Variants in PDE4D observed in about 807,000 individuals in gnomAD.
The protein encoded by PDE4D is 3',5'-cyclic-AMP phosphodiesterase 4D.
Under a neutral mutation model 87.4 loss-of-function variants are expected in PDE4D, and 24 were observed. The ratio of observed to expected loss-of-function variants is 0.27; its 90% CI spans 0.20 to 0.39. The LOEUF (loss-of-function observed/expected upper bound fraction) is 0.39. Among genes scored for constraint, PDE4D ranks in the 10% least tolerant of loss-of-function variants. PDE4D has a pLI of 1.00. For synonymous variants in PDE4D, 384 were observed against 383.2 expected, an observed-to-expected ratio of 1.00 and a Z score of -0.02; for missense variants, 714 against 1,041.0, an observed-to-expected ratio of 0.69 and a Z score of 4.32.
At chr5:60,106,519 A>C (rs973535789) in intron 2 of PDE4D, among the ~76,000 whole-genome samples, 33 of 152,230 alleles carry the variant, frequency 2.2e-4, no homozygotes, top group South Asian at 8.3e-4. Context: ...TAATAGACAT[A>C]TACAGAACTC....
chr5:60,187,511 T>G (rs1013177926), intron 1 of PDE4D, among the ~76,000 whole-genome samples: 1 of 152,168 alleles, frequency 6.6e-6, no homozygotes, highest in African/African-American at 2.4e-5. Flanking sequence ...GGGACAACCA[T>G]GGAATAGTTG....
intron 1 of PDE4D, among the ~76,000 whole-genome samples, chr5:59,296,473 A>T (rs1392842256): frequency 6.6e-6 from 1 of 152,114 alleles, no homozygotes; most frequent in African/African-American, 2.4e-5. Flanking sequence ...AGTCTGAGTG[A>T]CTAGTAGAAT....
At chr5:60,320,684 A>G (rs535702067) in intron 1 of PDE4D, among the ~76,000 whole-genome samples, 1 of 152,318 alleles carries the variant, frequency 6.6e-6, no homozygotes, top group East Asian at 1.9e-4. Context: ...AACCTCCTAG[A>G]TCTGATAAAC....
At chr5:59,858,323 T>C (rs1745761261) in intron 1 of PDE4D, among the ~76,000 whole-genome samples, 1 of 151,976 alleles carries the variant, frequency 6.6e-6, no homozygotes, top group African/African-American at 2.4e-5. Flanking sequence ...AATTTCCCTG[T>C]ATCCTACCTC....
intron 5 of PDE4D, among the ~76,000 whole-genome samples, chr5:59,047,612 G>T (rs1180599228): frequency 1.3e-5 from 2 of 152,228 alleles, no homozygotes; most frequent in East Asian, 3.8e-4. Context: ...AGCAGTCCCT[G>T]AAGGGGAAGG....
chr5:59,971,010 T>C (rs1375073706), intron 3 of PDE4D, among the ~76,000 whole-genome samples: 2 of 151,840 alleles, frequency 1.3e-5, no homozygotes, highest in East Asian at 3.9e-4. Context: ...ATATACACCA[T>C]GGAATACTAT....
intron 1 of PDE4D, among the ~76,000 whole-genome samples, chr5:60,354,749 T>C (rs1759475196): frequency 6.6e-6 from 1 of 152,168 alleles, no homozygotes. Flanking sequence ...TTCAATGTAA[T>C]TGGTCTCTGG....
chr5:59,728,590 C>G (rs1278591760), intron 1 of PDE4D, among the ~76,000 whole-genome samples: 2 of 152,018 alleles, frequency 1.3e-5, no homozygotes, highest in East Asian at 3.9e-4. Context: ...TAGCTGTACT[C>G]CCTTAATAGC....
rs1164165143 is a variant in PDE4D at position 59,458,594 on chromosome 5, TA to T, written c.456-242627del. The stretch of plus-strand genomic sequence containing the variant: ...ATCGTTGTTGAACTGCTTTGCATGT[TA>T]AAAAATAACACATTTTGGGAATTAA... On this transcript the variant is annotated intron_variant, in intron 1 of 14. Coordinates refer to ENST00000340635, the MANE Select transcript of PDE4D (RefSeq NM_001104631.2). Among the ~76,000 whole-genome samples, 4 of 152,190 alleles carry T rather than the reference TA, an allele frequency of 2.6e-5. No individual in the cohort carries two copies. In the East Asian group the frequency reaches 7.7e-4, roughly 29 times the overall value.
intron 2 of PDE4D, among the ~76,000 whole-genome samples, chr5:60,121,183 A>G (rs1275646851): frequency 6.6e-6 from 1 of 151,508 alleles, no homozygotes. Flanking sequence ...ATATATATAT[A>G]GGATATATAG....
chr5:59,880,151 G>T (rs1749229309), intron 1 of PDE4D, among the ~76,000 whole-genome samples: 1 of 151,960 alleles, frequency 6.6e-6, no homozygotes, highest in South Asian at 2.1e-4. Flanking sequence ...GCCCAGGCTG[G>T]ATTGCGCAGC....
intron 5 of PDE4D, among the ~76,000 whole-genome samples, chr5:59,135,095 G>C (rs1438654650): frequency 1.3e-5 from 2 of 152,098 alleles, no homozygotes; most frequent in Non-Finnish European, 2.9e-5. Flanking sequence ...CCCAGGAAAC[G>C]GACACATTGA....
chr5:60,181,035 ATACTC>A (rs1172580489), intron 2 of PDE4D, among the ~76,000 whole-genome samples: 1 of 151,268 alleles, frequency 6.6e-6, no homozygotes, highest in Non-Finnish European at 1.5e-5. Context: ...CAAATAAAAA[ATACTC>A]TATCTTACAG....
At chr5:59,055,796 TG>T (rs1561400303) in intron 5 of PDE4D, among the ~76,000 whole-genome samples, 1 of 152,220 alleles carries the variant, frequency 6.6e-6, no homozygotes, top group Non-Finnish European at 1.5e-5. Flanking sequence ...CCAGAGGTTA[TG>T]ACGTGATTCA....
chr5:59,866,949 C>T (rs1318137831), intron 1 of PDE4D, among the ~76,000 whole-genome samples: 1 of 152,156 alleles, frequency 6.6e-6, no homozygotes, highest in Non-Finnish European at 1.5e-5. Context: ...ACCCTAGAGA[C>T]TAACTAAGCA....
intron 1 of PDE4D, among the ~76,000 whole-genome samples, chr5:59,250,574 T>C (rs1031831451): frequency 6.6e-6 from 1 of 151,956 alleles, no homozygotes; most frequent in African/African-American, 2.4e-5. Flanking sequence ...TTTTGTAGAT[T>C]ATATGACAAG....
At chr5:60,420,836 C>T (rs1743025188) in intron 1 of PDE4D, among the ~76,000 whole-genome samples, 1 of 152,346 alleles carries the variant, frequency 6.6e-6, no homozygotes, top group East Asian at 1.9e-4. Flanking sequence ...CGCCCAAATA[C>T]TGCGCTTTTC....
intron 1 of PDE4D, among the ~76,000 whole-genome samples, chr5:59,612,697 A>G (rs896867558): frequency 6.6e-6 from 1 of 152,242 alleles, no homozygotes; most frequent in Non-Finnish European, 1.5e-5. Context: ...TAATTATTAA[A>G]AACAAAATAA....
At chr5:59,295,630 A>G (rs536283473) in intron 1 of PDE4D, among the ~76,000 whole-genome samples, 1 of 152,284 alleles carries the variant, frequency 6.6e-6, no homozygotes, top group Admixed American at 6.5e-5. Flanking sequence ...CATAGGAAAA[A>G]GGTATCACCT....
Sources: allele counts gnomAD v4.1 joint callset (sites outside exome capture counted in the v4.1 genomes callset), GRCh38; gene constraint gnomAD v4.1.1; transcripts MANE v1.5; gene names NCBI Gene and HGNC (gene_info 2026-07-23, HGNC 2026-07-21).